Variants in GIMAP6 observed in about 807,000 individuals in gnomAD.
GIMAP6 encodes GTPase, IMAP family member 6, also known as GTPase IMAP family member 6.
A neutral mutation model predicts 9.3 loss-of-function variants in GIMAP6; 6 were observed. The ratio of observed to expected loss-of-function variants is 0.65; its 90% CI spans 0.35 to 1.27. The LOEUF is 1.27. GIMAP6 is among the 50% of genes most tolerant of loss of function. GIMAP6 has a pLI of 0.03. For missense variants in GIMAP6, 333 were observed against 359.5 expected, an observed-to-expected ratio of 0.93 and a Z score of 0.60; for synonymous variants, 156 against 151.1, an observed-to-expected ratio of 1.03 and a Z score of -0.24.
In GIMAP6 at chr7:150,628,337, A is replaced by G. The variant is rs1422503604; in HGVS notation, c.261T>C (p.Ala87=). 8 of 1,613,996 alleles carry G rather than the reference A, an allele frequency of 5.0e-6. No homozygotes were observed. Among genetic ancestry groups the G allele is most frequent in the Non-Finnish European group, 6.8e-6 (8 of 1,179,994 alleles). Residue 87 remains alanine (A), a synonymous_variant, in exon 3 of 3, where the codon GCT becomes GCC. Transcript: ENST00000328902. ...KTSQRRSREW[A]GKELEVIDTP... is the part of the protein sequence containing the mutation. ...TGTCAATCACCTCAAGCTCCTTCCC[A>G]GCCCACTCTCGGCTCCGTCTCTGGG...
Position 150,628,356 on chromosome 7 carries a change from C to T in GIMAP6, c.242G>A (p.Arg81Lys), listed in dbSNP as rs753036235. The change falls in exon 3 of 3, where the codon AGA (arginine) becomes AAA (lysine). Residue 81 changes from arginine (R) to lysine (K), a missense_variant. Physicochemically the swap from Arg to Lys is conservative, Grantham distance 26 (BLOSUM62 2). Transcript: ENST00000328902. Reference protein sequence around the residue: ...STRPVTKTSQRRSREWAGKEL... With the variant: ...STRPVTKTSQKRSREWAGKEL... ...CTTCCCAGCCCACTCTCGGCTCCGT[C>T]TCTGGGAGGTCTTGGTCACGGGTCT... is the stretch of plus-strand genomic sequence containing the variant. 21 of 1,613,988 alleles carry T rather than the reference C, an allele frequency of 1.3e-5. No homozygotes were observed. The Middle Eastern group carries it at 1.5e-3, about 114-fold the overall frequency.
chr7:150,630,146 C>CAACAAA lies in GIMAP6; in HGVS notation c.1-5_1-4insTTTGTT. ...GTTCATATTCTTCTTCCTCCATCTA[C>CAACAAA]AAAAAAAAAAAAAAAAAAAAAATCA... is the stretch of plus-strand genomic sequence containing the variant. On this transcript the variant is annotated splice_polypyrimidine_tract_variant and splice_region_variant and intron_variant, in intron 1 of 2. Coordinates refer to ENST00000328902, the MANE Select transcript of GIMAP6 (RefSeq NM_024711.6). The CAACAAA allele has an allele frequency of 1.1e-6, 1 of 934,382 alleles. No homozygotes were observed. The highest frequency in any genetic ancestry group is 2.4e-5 in the South Asian group (1 of 41,242). 57.9% of individuals were successfully genotyped at this position (934,382 alleles called of 1,614,324 possible).
At position 150,626,570 on chromosome 7, in the gene GIMAP6, C is replaced by G. The variant is rs1049346527; in HGVS notation, c.*1149G>C. ...TACTTATAAACCCCGTCTGTAGGAACAGCCTTCCAGGAAAACATCATGGGC... is the reference window on the plus strand; with the variant it reads ...TACTTATAAACCCCGTCTGTAGGAAGAGCCTTCCAGGAAAACATCATGGGC... On this transcript the variant is annotated 3_prime_UTR_variant, in exon 3 of 3. Coordinates refer to ENST00000328902, the MANE Select transcript of GIMAP6 (RefSeq NM_024711.6). 1.3e-5 allele frequency: 2 copies of G among 152,282 alleles called. No homozygotes were observed. Among genetic ancestry groups the G allele is most frequent in the Non-Finnish European group, 2.9e-5 (2 of 68,084 alleles). 9.4% of individuals were successfully genotyped at this position (152,282 alleles called of 1,614,324 possible). A position where few individuals can be genotyped will look rare whatever the true frequency, so the allele number is the denominator to read the frequency against.
chr7:150,630,823 C>T (rs1277450798), intron 1 of GIMAP6, among the ~76,000 whole-genome samples: 1 of 152,214 alleles, frequency 6.6e-6, no homozygotes, highest in Non-Finnish European at 1.5e-5. Flanking sequence ...GTGAATGTCT[C>T]TTCCCCTATT....
At chr7:150,631,213 C>A (rs1049710907) in intron 1 of GIMAP6, among the ~76,000 whole-genome samples, 2 of 152,332 alleles carry the variant, frequency 1.3e-5, no homozygotes, top group East Asian at 3.9e-4. Flanking sequence ...ACCTGGCAAA[C>A]ACTCCAGTCC....
At position 150,627,503 on chromosome 7, in the gene GIMAP6, A is replaced by C. The variant is rs551177920; in HGVS notation, c.*216T>G. 1.6e-6 allele frequency: 1 copy of C among 611,800 alleles called. No individual in the cohort carries two copies. The highest frequency in any genetic ancestry group is 2.9e-6 in the Non-Finnish European group (1 of 344,776). The allele number at this position is 611,800 out of a possible 1,614,324, so 37.9% of individuals were successfully genotyped here. A position where few individuals can be genotyped will look rare whatever the true frequency, so the allele number is the denominator to read the frequency against. On this transcript the variant is annotated 3_prime_UTR_variant, in exon 3 of 3. Transcript: ENST00000328902. ...ACAGCGTGCTGTTGGGGCACAGAGGAGGGAGGACCCAGATGTTCTGGAAGA... is the reference window on the plus strand; with the variant it reads ...ACAGCGTGCTGTTGGGGCACAGAGGCGGGAGGACCCAGATGTTCTGGAAGA...
Position 150,627,734 on chromosome 7 carries a change from C to T in GIMAP6, c.864G>A (p.Gly288=). ...ESEEAHRCLL[G]KADL is the part of the protein sequence containing the mutation. ...CAGCACAGGCTCAAAGGTCAGCCTT[C>T]CCCAGCAGGCATCTGTGGGCTTCCT... The change falls in exon 3 of 3, where the codon GGG becomes GGA. Residue 288 remains glycine, a synonymous_variant. Transcript: ENST00000328902. The T allele has an allele frequency of 6.2e-7, 1 of 1,613,570 alleles. No homozygotes were observed. Among genetic ancestry groups the T allele is most frequent in the Non-Finnish European group, 8.5e-7 (1 of 1,179,710 alleles).
At position 150,628,298 on chromosome 7, in the gene GIMAP6, C is replaced by G. The variant is rs1211703526; in HGVS notation, c.300G>C (p.Leu100=). Reference sequence around the variant, plus strand: ...CCACCTCTGGCGAGACCTGGGGGGACAGAATGTTGGGTGTGTCAATCACCT... The same window carrying G: ...CCACCTCTGGCGAGACCTGGGGGGAGAGAATGTTGGGTGTGTCAATCACCT... The part of the protein sequence containing the change: ...ELEVIDTPNI[L]SPQVSPEVAD... The change falls in exon 3 of 3, where the codon CTG becomes CTC. Residue 100 remains leucine (L), a synonymous_variant. Coordinates refer to ENST00000328902, the MANE Select transcript of GIMAP6 (RefSeq NM_024711.6). 2.5e-6 allele frequency: 4 copies of G among 1,614,130 alleles called. No individual in the cohort carries two copies. The Admixed American group carries it at 5.0e-5, about 20-fold the overall frequency.
chr7:150,628,869 A>C, intron 2 of GIMAP6: 1 of 664,150 alleles, frequency 1.5e-6, no homozygotes, highest in Non-Finnish European at 2.4e-6. Flanking sequence ...AAGAAGTGAC[A>C]AGTAATAGCT....
At chr7:150,631,729 C>T (rs1267902403) in intron 1 of GIMAP6, among the ~76,000 whole-genome samples, 1 of 152,228 alleles carries the variant, frequency 6.6e-6, no homozygotes, top group African/African-American at 2.4e-5. Context: ...GTCTCCAACA[C>T]AGAAGATGGA....
Position 150,627,890 on chromosome 7 carries a change from G to T in GIMAP6, c.708C>A (p.Tyr236Ter). The T allele has an allele frequency of 6.2e-7, 1 of 1,614,238 alleles. No individual in the cohort carries two copies. Among genetic ancestry groups the T allele is most frequent in the Non-Finnish European group, 8.5e-7 (1 of 1,180,044 alleles). Residue 236 changes from tyrosine to a stop codon, truncating the protein, a stop_gained, in exon 3 of 3, where the codon TAC becomes TAA. Transcript: ENST00000328902. LOFTEE classifies it low-confidence loss of function (END_TRUNC). ...GCCGAAAGTTTTGCTGGGTATATTG[G>T]TAAGCCTTGTTGCTGTAATAATCTC... ...NEGDYYSNKAYQYTQQNFRLK... is the reference protein window; with the variant it reads ...NEGDYYSNKA
chr7:150,627,420 A>C lies in GIMAP6; in HGVS notation c.*299T>G. 2.2e-6 allele frequency: 1 copy of C among 453,092 alleles called. No homozygotes were observed. The highest frequency in any genetic ancestry group is 2.5e-5 in the South Asian group (1 of 40,634). The allele number at this position is 453,092 out of a possible 1,614,324, so 28.1% of individuals were successfully genotyped here. On this transcript the variant is annotated 3_prime_UTR_variant, in exon 3 of 3. Transcript: ENST00000328902. ...CCTCAAGAAACTTTGGTTCTATCAG[A>C]GTATAGACAAGTAACTCATGAAAGG...
intron 1 of GIMAP6, 56 bp from the exon 2 acceptor site, chr7:150,630,198 T>A: frequency 2.2e-6 from 3 of 1,380,618 alleles, no homozygotes; most frequent in Non-Finnish European, 2.9e-6. Flanking sequence ...TCCAAATGAG[T>A]TTCAACAGCC....
rs1796280846 is a variant in GIMAP6, at chr7:150,625,693, A to T, written c.*2026T>A. ...ATAAATGTAAGACATTGCCAACTAG[A>T]ATACCAATATGATTTTGGGGGGAAA... is the stretch of plus-strand genomic sequence containing the variant. On this transcript the variant is annotated 3_prime_UTR_variant, in exon 3 of 3. Coordinates refer to ENST00000328902, the MANE Select transcript of GIMAP6 (RefSeq NM_024711.6). 1 of 152,188 alleles carries T rather than the reference A, an allele frequency of 6.6e-6. No homozygotes were observed. 9.4% of individuals were successfully genotyped at this position (152,188 alleles called of 1,614,324 possible). A position where few individuals can be genotyped will look rare whatever the true frequency, so the allele number is the denominator to read the frequency against.
intron 2 of GIMAP6, among the ~76,000 whole-genome samples, chr7:150,629,106 A>G (rs1796350388): frequency 6.6e-6 from 1 of 152,126 alleles, no homozygotes; most frequent in East Asian, 1.9e-4. Context: ...AATTTGAATG[A>G]ATGGGCAGAA....
Position 150,626,811 on chromosome 7 carries a change from A to C in GIMAP6, c.*908T>G, listed in dbSNP as rs1160489194. The C allele has an allele frequency of 6.6e-6, 1 of 152,240 alleles. No homozygotes were observed. The highest frequency in any genetic ancestry group is 1.5e-5 in the Non-Finnish European group (1 of 68,058). The allele number at this position is 152,240 out of a possible 1,614,324, so 9.4% of individuals were successfully genotyped here. ...TGGCAGTGAAGGGCGAGGCAGGTTGAAAGTAGTCTGTGCCTTCTAGGAGCA... is the reference window on the plus strand; with the variant it reads ...TGGCAGTGAAGGGCGAGGCAGGTTGCAAGTAGTCTGTGCCTTCTAGGAGCA... On this transcript the variant is annotated 3_prime_UTR_variant, in exon 3 of 3. Transcript: ENST00000328902.
At chr7:150,630,572 C>G (rs544928561) in intron 1 of GIMAP6, among the ~76,000 whole-genome samples, 2 of 152,188 alleles carry the variant, frequency 1.3e-5, no homozygotes, top group Non-Finnish European at 2.9e-5. Context: ...CTGGGAGCAG[C>G]AGGAAGGCCT....
rs993949991 is a variant in GIMAP6, at chr7:150,627,187, C to T, written c.*532G>A. 29 of 163,934 alleles carry T rather than the reference C, an allele frequency of 1.8e-4. No homozygotes were observed. The highest frequency in any genetic ancestry group is 3.4e-4 in the Non-Finnish European group (26 of 75,732). The allele number at this position is 163,934 out of a possible 1,614,324, so 10.2% of individuals were successfully genotyped here. A position where few individuals can be genotyped will look rare whatever the true frequency, so the allele number is the denominator to read the frequency against. On this transcript the variant is annotated 3_prime_UTR_variant, in exon 3 of 3. Transcript: ENST00000328902. ...AGCCCAGTCTCCAACCCTCCCCACC[C>T]AGTCTCCAACCCTCCCCATGTCTCA...
chr7:150,627,588 C>T lies in GIMAP6; in HGVS notation c.*131G>A. The T allele has an allele frequency of 1.9e-6, 2 of 1,078,778 alleles. No homozygotes were observed. Among genetic ancestry groups the T allele is most frequent in the South Asian group, 2.6e-5 (2 of 76,122 alleles). 66.8% of individuals were successfully genotyped at this position (1,078,778 alleles called of 1,614,324 possible). On this transcript the variant is annotated 3_prime_UTR_variant, in exon 3 of 3. Transcript: ENST00000328902. The stretch of plus-strand genomic sequence containing the variant: ...CTGGACCCTGTCCTCAAGCCCCATG[C>T]CCCTCTTCCTACACCAGACGTCATG...
Sources: gnomAD v4.1 joint callset for allele counts (sites outside exome capture counted in the v4.1 genomes callset) on GRCh38, gnomAD v4.1.1 for gene constraint, MANE v1.5 for transcripts, NCBI Gene and HGNC (gene_info 2026-07-23, HGNC 2026-07-21) for gene names.